The following ITGA2 variants were observed in gnomAD, a reference collection of about 807,000 sequenced individuals.
The protein encoded by ITGA2 is integrin alpha-2.
A neutral mutation model predicts 146.3 loss-of-function variants in ITGA2; 101 were observed. The ratio of observed to expected loss-of-function variants is 0.69; its 90% CI spans 0.59 to 0.81. ITGA2 has a LOEUF of 0.81. ITGA2 is among the 40% of genes least tolerant of loss of function. The pLI is 0.00. For missense variants in ITGA2, 1,281 were observed against 1,402.7 expected, an observed-to-expected ratio of 0.91 and a Z score of 1.39; for synonymous variants, 477 against 487.1, an observed-to-expected ratio of 0.98 and a Z score of 0.27.
intron 1 of ITGA2, among the ~76,000 whole-genome samples, chr5:53,024,185 G>A (rs1335585225): frequency 1.3e-5 from 2 of 152,126 alleles, no homozygotes; most frequent in African/African-American, 2.4e-5. Flanking sequence ...ATAATAGCTT[G>A]GTTTTGCTGT....
chr5:53,069,836 T>G (rs1334769248), intron 16 of ITGA2, among the ~76,000 whole-genome samples: 2 of 151,832 alleles, frequency 1.3e-5, no homozygotes, highest in Non-Finnish European at 2.9e-5. Context: ...CACAGTAGGT[T>G]TCCTGGCGGC....
chr5:53,014,345 C>T (rs10071580), intron 1 of ITGA2, among the ~76,000 whole-genome samples: 27,842 of 152,100 alleles, frequency 0.18, 2,644 homozygotes, highest in African/African-American at 0.22. Flanking sequence ...TTTTCTGCAT[C>T]TATTCAGATG....
At chr5:53,007,916 G>A (rs1741937283) in intron 1 of ITGA2, among the ~76,000 whole-genome samples, 1 of 152,092 alleles carries the variant, frequency 6.6e-6, no homozygotes, top group Non-Finnish European at 1.5e-5. Flanking sequence ...AACAACTTTG[G>A]ATTGTTTTCA....
At chr5:53,090,163 T>C (rs1156497762) in intron 29 of ITGA2, 101 bp downstream of exon 29, 1 of 772,928 alleles carries the variant, frequency 1.3e-6, no homozygotes, top group Non-Finnish European at 2.3e-6. Flanking sequence ...ACCTTCTCTA[T>C]CACAAGGAGA....
chr5:53,086,054 A>T (rs1053387313), intron 27 of ITGA2, among the ~76,000 whole-genome samples: 1 of 151,874 alleles, frequency 6.6e-6, no homozygotes, highest in African/African-American at 2.4e-5. Context: ...ACAGGTGCCC[A>T]CCACCATGCC....
chr5:53,076,349 C>T (rs571221183), intron 23 of ITGA2, among the ~76,000 whole-genome samples: 93 of 152,104 alleles, frequency 6.1e-4, no homozygotes, highest in Admixed American at 1.8e-3. Flanking sequence ...TCCAATAGCT[C>T]TCTGAGCAAA....
chr5:53,078,150 T>G (rs1230589687), intron 23 of ITGA2, among the ~76,000 whole-genome samples: 8 of 152,076 alleles, frequency 5.3e-5, no homozygotes, highest in African/African-American at 9.7e-5. Flanking sequence ...ATCCAGTGGC[T>G]TTAGGTCCAG....
At chr5:53,000,325 T>C (rs1365796697) in intron 1 of ITGA2, among the ~76,000 whole-genome samples, 1 of 152,182 alleles carries the variant, frequency 6.6e-6, no homozygotes, top group Non-Finnish European at 1.5e-5. Context: ...ATTTTTCTTC[T>C]TTATTAATGT....
chr5:53,045,525 T>C (rs1744032450), intron 4 of ITGA2, among the ~76,000 whole-genome samples: 2 of 152,222 alleles, frequency 1.3e-5, no homozygotes, highest in Admixed American at 6.5e-5. Flanking sequence ...CTCATGTCAG[T>C]GCTCACTTTC....
intron 20 of ITGA2, among the ~76,000 whole-genome samples, chr5:53,073,750 G>A (rs1745512752): frequency 6.6e-6 from 1 of 151,722 alleles, no homozygotes; most frequent in Admixed American, 6.6e-5. Flanking sequence ...GAAGAAAAAA[G>A]GGAGAGAAGG....
At chr5:53,001,336 T>TATC (rs937172870) in intron 1 of ITGA2, among the ~76,000 whole-genome samples, 1 of 152,168 alleles carries the variant, frequency 6.6e-6, no homozygotes, top group Non-Finnish European at 1.5e-5. Context: ...TAGAATTCCT[T>TATC]ATCAGTTTCA....
intron 2 of ITGA2, among the ~76,000 whole-genome samples, chr5:53,034,615 T>C (rs1271917054): frequency 6.6e-6 from 1 of 152,182 alleles, no homozygotes; most frequent in East Asian, 1.9e-4. Context: ...CCTCCATGCC[T>C]CACCAACAAG....
chr5:53,008,861 C>A (rs568993413), intron 1 of ITGA2, among the ~76,000 whole-genome samples: 1 of 152,104 alleles, frequency 6.6e-6, no homozygotes, highest in Non-Finnish European at 1.5e-5. Flanking sequence ...AATACATTAG[C>A]CTGATACTGT....
intron 2 of ITGA2, among the ~76,000 whole-genome samples, chr5:53,030,551 A>G (rs1306976294): frequency 6.6e-6 from 1 of 152,234 alleles, no homozygotes; most frequent in Non-Finnish European, 1.5e-5. Flanking sequence ...ATTCAGAAGC[A>G]GGAAGGACAG....
At chr5:53,003,721 G>A (rs548768380) in intron 1 of ITGA2, among the ~76,000 whole-genome samples, 2 of 152,324 alleles carry the variant, frequency 1.3e-5, no homozygotes, top group South Asian at 4.1e-4. Context: ...TCCACCTATG[G>A]ATGGGGAGTG....
At chr5:53,062,369 G>A (rs1263742558) in intron 12 of ITGA2, among the ~76,000 whole-genome samples, 1 of 151,790 alleles carries the variant, frequency 6.6e-6, no homozygotes. Flanking sequence ...TATTCTCCCT[G>A]CCTCTACCCC....
intron 3 of ITGA2, 84 bp downstream of exon 3, chr5:53,042,305 T>C: frequency 1.1e-6 from 1 of 938,326 alleles, no homozygotes; most frequent in Non-Finnish European, 1.8e-6. Flanking sequence ...TGTTCTGTCT[T>C]AAAGAAATAC....
chr5:53,065,128 C>G lies in ITGA2; in HGVS notation c.1806+13C>G. On this transcript the variant is annotated intron_variant, in intron 14 of 29. Coordinates refer to ENST00000296585, the MANE Select transcript of ITGA2 (RefSeq NM_002203.4). Reference sequence around the variant, plus strand: ...AAAGTATTCCCAGGTAATCCATGAGCTGTTATGGTGATGTATGTATTTGTG... The same window carrying G: ...AAAGTATTCCCAGGTAATCCATGAGGTGTTATGGTGATGTATGTATTTGTG... 1 of 1,609,290 alleles carries G rather than the reference C, an allele frequency of 6.2e-7. No homozygotes were observed. The highest frequency in any genetic ancestry group is 2.2e-5 in the East Asian group (1 of 44,726).
chr5:53,047,992 C>T (rs1744170573), intron 4 of ITGA2, among the ~76,000 whole-genome samples: 1 of 152,220 alleles, frequency 6.6e-6, no homozygotes, highest in East Asian at 1.9e-4. Flanking sequence ...AGATGAATCA[C>T]CTGAGGCCCA....
Sources: gnomAD v4.1 joint callset for allele counts (sites outside exome capture counted in the v4.1 genomes callset) on GRCh38, gnomAD v4.1.1 for gene constraint, MANE v1.5 for transcripts, NCBI Gene and HGNC (gene_info 2026-07-23, HGNC 2026-07-21) for gene names.